Variants in MFSD2B observed in about 807,000 individuals in gnomAD.
MFSD2B encodes the protein MFSD2 lysolipid transporter B, sphingolipid.
A neutral mutation model predicts 58.4 loss-of-function variants in MFSD2B; 56 were observed. That is an observed-to-expected ratio of 0.96 (90% CI 0.77 to 1.20). The LOEUF (loss-of-function observed/expected upper bound fraction) is 1.20, where lower values mean the gene tolerates loss of function less well. Among genes scored for constraint, MFSD2B ranks in the 50% most tolerant of loss-of-function variants. The pLI, the probability that MFSD2B is intolerant of heterozygous loss-of-function variation, is 0.00. For missense variants in MFSD2B, 645 were observed against 667.6 expected (o/e 0.97, Z 0.37); for synonymous variants, 287 against 294.4 (o/e 0.97, Z 0.26).
intron 13 of MFSD2B, 123 bp from the exon 14 acceptor site, chr2:24,025,309 G>A (rs754569918): frequency 7.6e-6 from 6 of 793,276 alleles, no homozygotes; most frequent in Non-Finnish European, 1.3e-5. Flanking sequence ...GGGAGGGGAG[G>A]AGTTGAAGAG....
chr2:24,010,667 A>G (rs917565228), intron 1 of MFSD2B, among the ~76,000 whole-genome samples: 150 of 152,274 alleles, frequency 9.9e-4, no homozygotes, highest in East Asian at 9.3e-3. Flanking sequence ...GGGCTCCGAC[A>G]AGAAGGGAGG....
At chr2:24,016,570 C>T (rs192313210) in intron 3 of MFSD2B, among the ~76,000 whole-genome samples, 10 of 152,144 alleles carry the variant, frequency 6.6e-5, no homozygotes, top group Non-Finnish European at 1.3e-4. Flanking sequence ...CGAGGCCTCA[C>T]GGAGGAAGTA....
chr2:24,018,270 C>T (rs1034430637), intron 6 of MFSD2B: 11 of 168,490 alleles, frequency 6.5e-5, no homozygotes, highest in Admixed American at 2.6e-4. Flanking sequence ...AGCCACCCTG[C>T]ACCCCACTGC....
rs1171063902 is a variant in MFSD2B at position 24,020,050 on chromosome 2, C to T, written c.682-1598C>T. On this transcript the variant is annotated intron_variant, in intron 6 of 13. Coordinates refer to ENST00000338315, the MANE Select transcript of MFSD2B (RefSeq NM_001346880.2). This position sits in a 1 kb window ranked among gnomAD's most constrained non-coding sequence, Gnocchi z 4.1. The stretch of plus-strand genomic sequence containing the variant: ...GTTCTGTACACATGCCTCCCAGCTA[C>T]ACGACCACGTCCAGGACCTGGTGCT... Among the ~76,000 whole-genome samples the T allele has an allele frequency of 6.6e-6, 1 of 152,252 alleles. No homozygotes were observed. The highest frequency in any genetic ancestry group is 6.5e-5 in the Admixed American group (1 of 15,284).
rs1017821883 is a variant in MFSD2B, at chr2:24,021,423, C to A, written c.682-225C>A. 1.1e-4 allele frequency among the ~76,000 whole-genome samples: 16 copies of A among 152,174 alleles called. No homozygotes were observed. Among genetic ancestry groups the A allele is most frequent in the African/African-American group, 3.1e-4 (13 of 41,442 alleles). On this transcript the variant is annotated intron_variant, in intron 6 of 13. Transcript: ENST00000338315. The surrounding 1 kb of genome is among the most constrained non-coding windows in gnomAD (Gnocchi z 5.7). ...CTCCTGGGGCATGTGTCCTCTTTGCCATGCAGGGAACACAGGGTCAGCAGA... is the reference window on the plus strand; with the variant it reads ...CTCCTGGGGCATGTGTCCTCTTTGCAATGCAGGGAACACAGGGTCAGCAGA...
intron 3 of MFSD2B, among the ~76,000 whole-genome samples, chr2:24,016,597 T>A (rs1709153378): frequency 6.6e-6 from 1 of 152,044 alleles, no homozygotes; most frequent in Non-Finnish European, 1.5e-5. Flanking sequence ...AGTGTCCCAA[T>A]GTCCACACAG....
Position 24,021,479 on chromosome 2 carries a change from G to A in MFSD2B, c.682-169G>A, listed in dbSNP as rs1662781381. Reference sequence around the variant, plus strand: ...TGTGTGGAAGGACCAGCCCGGGCCCGGAGAGCATGCTGTCCTGTGGGGTGA... The same window carrying A: ...TGTGTGGAAGGACCAGCCCGGGCCCAGAGAGCATGCTGTCCTGTGGGGTGA... On this transcript the variant is annotated intron_variant, in intron 6 of 13. Coordinates refer to ENST00000338315, the MANE Select transcript of MFSD2B (RefSeq NM_001346880.2). This position sits in a 1 kb window ranked among gnomAD's most constrained non-coding sequence, Gnocchi z 5.7. Among the ~76,000 whole-genome samples the A allele has an allele frequency of 3.3e-5, 5 of 152,314 alleles. No homozygotes were observed. The highest frequency in any genetic ancestry group is 4.1e-4 in the South Asian group (2 of 4,820).
chr2:24,014,617 G>C (rs181153175), intron 2 of MFSD2B, among the ~76,000 whole-genome samples: 36 of 152,280 alleles, frequency 2.4e-4, no homozygotes, highest in Admixed American at 5.9e-4. Flanking sequence ...TAGTTTTAGA[G>C]AAGAGTATAT....
chr2:24,024,143 G>T lies in MFSD2B; in HGVS notation c.1362G>T (p.Val454=). 6.2e-7 allele frequency: 1 copy of T among 1,613,894 alleles called. No individual in the cohort carries two copies. The highest frequency in any genetic ancestry group is 2.2e-5 in the East Asian group (1 of 44,870). The change falls in exon 13 of 14, where the codon GTG becomes GTT. Residue 454 remains valine (V), a synonymous_variant. Transcript: ENST00000338315. The surrounding 1 kb of genome is among the most constrained non-coding windows in gnomAD (Gnocchi z 4.3). ...AGVCKQAEEV[V]VTLKVLIGAV... is the part of the protein sequence containing the mutation. ...TCTGCAAGCAAGCAGAGGAGGTGGTGGTCACCCTCAAAGTCCTCATTGGCG... is the reference window on the plus strand; with the variant it reads ...TCTGCAAGCAAGCAGAGGAGGTGGTTGTCACCCTCAAAGTCCTCATTGGCG...
In MFSD2B at chr2:24,023,816, C is replaced by A. The variant is rs1662888405; in HGVS notation, c.1313+90C>A. On this transcript the variant is annotated intron_variant, in intron 12 of 13. Transcript: ENST00000338315. The surrounding 1 kb of genome is among the most constrained non-coding windows in gnomAD (Gnocchi z 5.0). ...CCCTCACCTACCAAGCTCAGGGCATCCATGAGCCTGGGGCCTAAGCGCTAC... is the reference window on the plus strand; with the variant it reads ...CCCTCACCTACCAAGCTCAGGGCATACATGAGCCTGGGGCCTAAGCGCTAC... 24 of 1,463,988 alleles carry A rather than the reference C, an allele frequency of 1.6e-5. No homozygotes were observed. In the South Asian group the frequency reaches 3.0e-4, roughly 18 times the overall value. The allele number at this position is 1,463,988 out of a possible 1,614,324, so 90.7% of individuals were successfully genotyped here.
rs1411009740 is a variant in MFSD2B, at chr2:24,017,484, C to A, written c.577C>A (p.Leu193Met). ...GATGACTGTGGAGATGGCGGGAACA[C>A]TGATGGGGGCCACTGTCCACGGGCT... is the stretch of plus-strand genomic sequence containing the variant. The part of the protein sequence containing the change: ...YRMTVEMAGT[L>M]MGATVHGLIV... Residue 193 changes from leucine to methionine, a missense_variant, in exon 6 of 14, where the codon CTG becomes ATG. Transcript: ENST00000338315. The surrounding 1 kb of genome is among the most constrained non-coding windows in gnomAD (Gnocchi z 4.8). The A allele has an allele frequency of 1.3e-6, 2 of 1,599,896 alleles. No individual in the cohort carries two copies. Among genetic ancestry groups the A allele is most frequent in the Admixed American group, 1.7e-5 (1 of 58,196 alleles).
Position 24,017,713 on chromosome 2 carries a change from C to T in MFSD2B, c.681+125C>T, listed in dbSNP as rs940402317. On this transcript the variant is annotated intron_variant, in intron 6 of 13. Transcript: ENST00000338315. This position sits in a 1 kb window ranked among gnomAD's most constrained non-coding sequence, Gnocchi z 4.8. Reference sequence around the variant, plus strand: ...TCTTTTAGGGGGCTCACTGTGCCCCCTCATTCCTTCCCTGCTCCTCCAGTT... The same window carrying T: ...TCTTTTAGGGGGCTCACTGTGCCCCTTCATTCCTTCCCTGCTCCTCCAGTT... 8.7e-6 allele frequency: 9 copies of T among 1,032,996 alleles called. No individual in the cohort carries two copies. Among genetic ancestry groups the T allele is most frequent in the African/African-American group, 1.6e-5 (1 of 61,666 alleles). 64.0% of individuals were successfully genotyped at this position (1,032,996 alleles called of 1,614,324 possible).
At position 24,022,117 on chromosome 2, in the gene MFSD2B, C is replaced by T; in HGVS notation, c.894+147C>T. 1 of 987,882 alleles carries T rather than the reference C, an allele frequency of 1.0e-6. No individual in the cohort carries two copies. The highest frequency in any genetic ancestry group is 1.5e-6 in the Non-Finnish European group (1 of 660,844). 61.2% of individuals were successfully genotyped at this position (987,882 alleles called of 1,614,324 possible). A position where few individuals can be genotyped will look rare whatever the true frequency, so the allele number is the denominator to read the frequency against. The stretch of plus-strand genomic sequence containing the variant: ...AGGGGCTGGTGCCGGGAGGGAGATC[C>T]CGGTAGGGCTTGTGGGAATGGAGGG... On this transcript the variant is annotated intron_variant, in intron 8 of 13. Transcript: ENST00000338315. The surrounding 1 kb of genome is among the most constrained non-coding windows in gnomAD (Gnocchi z 4.5).
At chr2:24,014,744 AGAAG>A (rs1709080069) in intron 2 of MFSD2B, among the ~76,000 whole-genome samples, 1 of 152,192 alleles carries the variant, frequency 6.6e-6, no homozygotes, top group Non-Finnish European at 1.5e-5. Context: ...AGAAAATTCT[AGAAG>A]GATATACACC....
chr2:24,025,097 G>A (rs199904681), intron 13 of MFSD2B, among the ~76,000 whole-genome samples: 7 of 152,174 alleles, frequency 4.6e-5, no homozygotes, highest in African/African-American at 1.2e-4. Context: ...TAAGGTCCAC[G>A]AGCATGCACA....
Position 24,024,058 on chromosome 2 carries a change from C to T in MFSD2B, c.1314-37C>T, listed in dbSNP as rs1481700274. 3 of 1,605,488 alleles carry T rather than the reference C, an allele frequency of 1.9e-6. No individual in the cohort carries two copies. The highest frequency in any genetic ancestry group is 2.6e-6 in the Non-Finnish European group (3 of 1,174,596). ...CCTCCACCCAGGGTGCCAGGCTCAG[C>T]AGGCCCTGCCCTAATGGCTGGCTGA... On this transcript the variant is annotated intron_variant, in intron 12 of 13. Transcript: ENST00000338315. This position sits in a 1 kb window ranked among gnomAD's most constrained non-coding sequence, Gnocchi z 4.3.
chr2:24,011,660 T>C (rs764590866), intron 1 of MFSD2B, among the ~76,000 whole-genome samples: 1 of 152,186 alleles, frequency 6.6e-6, no homozygotes, highest in African/African-American at 2.4e-5. Context: ...AGGGTCTTCA[T>C]GGCCATTTAT....
intron 3 of MFSD2B, 142 bp from the exon 4 acceptor site, chr2:24,016,703 C>T: frequency 2.0e-6 from 2 of 976,368 alleles, no homozygotes; most frequent in South Asian, 1.7e-5. Context: ...GCCACTTCTC[C>T]CCTGCTCCTG....
rs968327308 is a variant in MFSD2B at position 24,023,508 on chromosome 2, C to T, written c.1170-75C>T. On this transcript the variant is annotated intron_variant, in intron 11 of 13. Coordinates refer to ENST00000338315, the MANE Select transcript of MFSD2B (RefSeq NM_001346880.2). The surrounding 1 kb of genome is among the most constrained non-coding windows in gnomAD (Gnocchi z 5.0). Reference sequence around the variant, plus strand: ...GAACTCAGGGATGAATCCACTTTGGCCTCCGTCCCCAGAGAATTCACAGGC... The same window carrying T: ...GAACTCAGGGATGAATCCACTTTGGTCTCCGTCCCCAGAGAATTCACAGGC... 99 of 1,510,308 alleles carry T rather than the reference C, an allele frequency of 6.6e-5. No individual in the cohort carries two copies. The highest frequency in any genetic ancestry group is 3.2e-4 in the Admixed American group (16 of 49,734). The allele number at this position is 1,510,308 out of a possible 1,614,324, so 93.6% of individuals were successfully genotyped here. A position where few individuals can be genotyped will look rare whatever the true frequency, so the allele number is the denominator to read the frequency against.
Sources: gnomAD v4.1 joint callset for allele counts (sites outside exome capture counted in the v4.1 genomes callset) on GRCh38, gnomAD v4.1.1 for gene constraint, Gnocchi (gnomAD v3.1) non-coding constraint, MANE v1.5 for transcripts, NCBI Gene and HGNC (gene_info 2026-07-23, HGNC 2026-07-21) for gene names.